The following GRK5 variants were observed in gnomAD, a reference collection of about 807,000 sequenced individuals.
The protein encoded by GRK5 is G protein-coupled receptor kinase 5, also known as g protein-coupled receptor kinase GRK5.
Under a neutral mutation model 78.4 loss-of-function variants are expected in GRK5, and 40 were observed. The ratio of observed to expected loss-of-function variants is 0.51; its 90% confidence interval spans 0.40 to 0.66. The LOEUF (loss-of-function observed/expected upper bound fraction) is 0.66. Among genes scored for constraint, GRK5 ranks in the 30% least tolerant of loss-of-function variants. GRK5 has a pLI of 0.00. For missense variants in GRK5, 598 were observed against 759.9 expected (o/e 0.79, Z 2.50); for synonymous variants, 289 against 296.8 (o/e 0.97, Z 0.27).
intron 4 of GRK5, among the ~76,000 whole-genome samples, chr10:119,405,083 G>C (rs557294839): frequency 6.6e-6 from 1 of 152,332 alleles, no homozygotes; most frequent in East Asian, 1.9e-4. Flanking sequence ...TCTGGCAAGG[G>C]GGGTGCCAGT....
At chr10:119,224,866 C>T (rs565069869) in intron 1 of GRK5, among the ~76,000 whole-genome samples, 2 of 152,228 alleles carry the variant, frequency 1.3e-5, no homozygotes, top group African/African-American at 2.4e-5. Context: ...CTGTGTGGCT[C>T]CTCTCCAAGC....
At chr10:119,381,019 A>G (rs1851702072) in intron 3 of GRK5, 92 bp downstream of exon 3, 3 of 799,344 alleles carry the variant, frequency 3.8e-6, no homozygotes, top group East Asian at 2.5e-5. Context: ...ATGGGTTAGA[A>G]GACTGAGGAA....
chr10:119,451,994 C>T (rs1253747150), intron 13 of GRK5, among the ~76,000 whole-genome samples: 1 of 152,184 alleles, frequency 6.6e-6, no homozygotes, highest in East Asian at 1.9e-4. Flanking sequence ...GGGAAGCCTC[C>T]CCACACCAAC....
At chr10:119,320,075 A>G (rs1210570620) in intron 1 of GRK5, among the ~76,000 whole-genome samples, 1 of 152,206 alleles carries the variant, frequency 6.6e-6, no homozygotes, top group Non-Finnish European at 1.5e-5. Context: ...GGGACACTAG[A>G]GCTGGAGCTT....
Position 119,459,531 on chromosome 10 carries a change from C to T in GRK5, c.*4464C>T, listed in dbSNP as rs983617257. 2.0e-5 allele frequency: 3 copies of T among 152,166 alleles called. No homozygotes were observed. The highest frequency in any genetic ancestry group is 7.2e-5 in the African/African-American group (3 of 41,426). The allele number at this position is 152,166 out of a possible 1,614,324, so 9.4% of individuals were successfully genotyped here. On this transcript the variant is annotated 3_prime_UTR_variant, in exon 16 of 16. Coordinates refer to ENST00000392870, the MANE Select transcript of GRK5 (RefSeq NM_005308.3). ...TGGTGTTGTTAAAATAATAAGAATC[C>T]TTCTAGCATCCAAAGCTTTCTAATT... is the stretch of plus-strand genomic sequence containing the variant.
At chr10:119,349,012 G>A (rs1484933286) in intron 2 of GRK5, among the ~76,000 whole-genome samples, 1 of 152,174 alleles carries the variant, frequency 6.6e-6, no homozygotes, top group Non-Finnish European at 1.5e-5. Context: ...TGAGAGTTAG[G>A]CAATCTTCCG....
At chr10:119,258,308 C>T (rs780338581) in intron 1 of GRK5, among the ~76,000 whole-genome samples, 1 of 152,174 alleles carries the variant, frequency 6.6e-6, no homozygotes, top group Non-Finnish European at 1.5e-5. Flanking sequence ...AGCAAGAGTT[C>T]AGGGTTTGTT....
In GRK5 at chr10:119,207,651, G is replaced by A. The variant is rs1425368324; in HGVS notation, c.-267G>A. 2 of 390,056 alleles carry A rather than the reference G, an allele frequency of 5.1e-6. No homozygotes were observed. Among genetic ancestry groups the A allele is most frequent in the East Asian group, 7.2e-5 (1 of 13,844 alleles). The allele number at this position is 390,056 out of a possible 1,614,324, so 24.2% of individuals were successfully genotyped here. A position where few individuals can be genotyped will look rare whatever the true frequency, so the allele number is the denominator to read the frequency against. ...TGACAGAGACACGCGGAGGGTGGGG[G>A]GTGGGGGGGAGCGTGTTGAGGGAGG... On this transcript the variant is annotated 5_prime_UTR_variant, in exon 1 of 16. Coordinates refer to ENST00000392870, the MANE Select transcript of GRK5 (RefSeq NM_005308.3).
intron 2 of GRK5, among the ~76,000 whole-genome samples, chr10:119,346,647 C>T (rs969523394): frequency 1.3e-5 from 2 of 152,162 alleles, no homozygotes; most frequent in African/African-American, 4.8e-5. Context: ...CTGCCAGCTG[C>T]ACGTGCCACC....
intron 13 of GRK5, among the ~76,000 whole-genome samples, 178 bp downstream of exon 13, chr10:119,448,438 T>C (rs1360652324): frequency 6.6e-6 from 1 of 152,336 alleles, no homozygotes; most frequent in East Asian, 1.9e-4. Context: ...CGCCAGGCAG[T>C]GCAGAAGAGG....
intron 1 of GRK5, among the ~76,000 whole-genome samples, chr10:119,323,345 A>G (rs1850618000): frequency 6.6e-6 from 1 of 152,244 alleles, no homozygotes; most frequent in Non-Finnish European, 1.5e-5. Flanking sequence ...ATGGTGCTTC[A>G]TGCCTGCCAG....
At chr10:119,248,158 T>C (rs867992348) in intron 1 of GRK5, among the ~76,000 whole-genome samples, 4 of 152,116 alleles carry the variant, frequency 2.6e-5, no homozygotes, top group Non-Finnish European at 5.9e-5. Context: ...ACTATAGGCA[T>C]GTACCACCAC....
At chr10:119,269,949 G>C (rs1374350404) in intron 1 of GRK5, among the ~76,000 whole-genome samples, 2 of 151,976 alleles carry the variant, frequency 1.3e-5, no homozygotes, top group Non-Finnish European at 2.9e-5. Context: ...TTGGGAGGGA[G>C]GGGGCCTTGT....
chr10:119,455,635 A>G lies in GRK5; in HGVS notation c.*568A>G, dbSNP rs775354598. ...GTGATCCATACTTCACCTTTGAAGG[A>G]TTGGTTGTATTTACCCACATCTATC... is the stretch of plus-strand genomic sequence containing the variant. On this transcript the variant is annotated 3_prime_UTR_variant, in exon 16 of 16. Coordinates refer to ENST00000392870, the MANE Select transcript of GRK5 (RefSeq NM_005308.3). 17 of 271,532 alleles carry G rather than the reference A, an allele frequency of 6.3e-5. No individual in the cohort carries two copies. Among genetic ancestry groups the G allele is most frequent in the Non-Finnish European group, 1.1e-4 (15 of 142,086 alleles). The allele number at this position is 271,532 out of a possible 1,614,324, so 16.8% of individuals were successfully genotyped here.
Position 119,380,940 on chromosome 10 carries a change from T to G in GRK5, c.261+13T>G, listed in dbSNP as rs769025482. On this transcript the variant is annotated intron_variant, in intron 3 of 15. Transcript: ENST00000392870. ...CCTGGACTCCGTGGTAAGTTCCTGC[T>G]CCTGAGGGATGGTCCTGTGGTCCTC... 6.7e-7 allele frequency: 1 copy of G among 1,487,370 alleles called. No homozygotes were observed. Among genetic ancestry groups the G allele is most frequent in the South Asian group, 1.1e-5 (1 of 88,534 alleles). 92.1% of individuals were successfully genotyped at this position (1,487,370 alleles called of 1,614,324 possible).
chr10:119,443,399 A>G (rs958791300), intron 11 of GRK5, 145 bp from the exon 12 acceptor site: 1 of 668,588 alleles, frequency 1.5e-6, no homozygotes, highest in African/African-American at 1.8e-5. Flanking sequence ...GAGAGTCATC[A>G]GGGCAAGCTC....
At chr10:119,394,450 GC>G (rs1267131185) in intron 3 of GRK5, among the ~76,000 whole-genome samples, 2 of 976 alleles carry the variant, frequency 2.0e-3, no homozygotes, top group Non-Finnish European at 4.1e-3. Context: ...GTGTGTATCT[GC>G]TTAGTGGGCA....
intron 4 of GRK5, among the ~76,000 whole-genome samples, chr10:119,397,981 C>G (rs1000340873): frequency 2.6e-4 from 40 of 152,240 alleles, no homozygotes; most frequent in Non-Finnish European, 5.0e-4. Context: ...AGCCCTTTTG[C>G]ACTTTTCAGA....
intron 1 of GRK5, among the ~76,000 whole-genome samples, chr10:119,302,326 T>A (rs1850197468): frequency 6.6e-6 from 1 of 152,170 alleles, no homozygotes; most frequent in African/African-American, 2.4e-5. Flanking sequence ...TGAAACAGGG[T>A]TACATCCTGC....
Sources: gnomAD v4.1 joint callset for allele counts (sites outside exome capture counted in the v4.1 genomes callset) on GRCh38, gnomAD v4.1.1 for gene constraint, MANE v1.5 for transcripts, NCBI Gene and HGNC (gene_info 2026-07-23, HGNC 2026-07-21) for gene names.